DACH2: variants seen among roughly 807,000 people sequenced by gnomAD.
The protein encoded by DACH2 is dachshund family transcription factor 2, also known as dachshund homolog 2.
In DACH2, 17 loss-of-function variants were observed where a neutral mutation model predicts 35.8. The observed-to-expected ratio is 0.48, with a 90% CI of 0.33 to 0.71. DACH2 has a LOEUF of 0.71. Ranked by LOEUF, DACH2 falls within the 30% of genes least tolerant of loss-of-function variation. DACH2 has a pLI of 0.02. For synonymous variants in DACH2, 195 were observed against 177.3 expected (o/e 1.10, Z -0.79); for missense variants, 469 against 472.7 (o/e 0.99, Z 0.07).
chrX:86,563,305 TCA>T (rs753557557), intron 3 of DACH2, among the ~76,000 whole-genome samples: 4 of 109,720 alleles, frequency 3.6e-5, no homozygotes, highest in Non-Finnish European at 7.6e-5. Flanking sequence ...TGAAGACATA[TCA>T]CAGTTATTTT....
intron 2 of DACH2, among the ~76,000 whole-genome samples, chrX:86,445,561 G>A (rs1602527860): frequency 2.1e-4 from 4 of 19,126 alleles, no homozygotes; most frequent in South Asian, 6.6e-3. Context: ...TACCATCAGA[G>A]TGAACAAAAA....
intron 1 of DACH2, among the ~76,000 whole-genome samples, chrX:86,335,766 C>T (rs929977273): frequency 9.0e-6 from 1 of 111,636 alleles, no homozygotes; most frequent in Admixed American, 9.6e-5. Context: ...ATTGCCCTGG[C>T]CAGAACTTCC....
chrX:86,556,780 A>ATG, intron 3 of DACH2, among the ~76,000 whole-genome samples: 1 of 66,077 alleles, frequency 1.5e-5, no homozygotes, highest in Non-Finnish European at 2.7e-5. Flanking sequence ...ATATATATAT[A>ATG]TATATATATA....
chrX:86,205,517 C>T (rs1276591490), intron 1 of DACH2, among the ~76,000 whole-genome samples: 2 of 80,112 alleles, frequency 2.5e-5, no homozygotes, highest in African/African-American at 5.3e-5. Flanking sequence ...TCCTTCCTTC[C>T]TTCCTTCCTT....
At chrX:86,599,599 C>T (rs772215868) in intron 3 of DACH2, among the ~76,000 whole-genome samples, 3 of 108,541 alleles carry the variant, frequency 2.8e-5, no homozygotes, top group Non-Finnish European at 5.7e-5. Context: ...AAAGTTCAAG[C>T]GATTCTCCCA....
At chrX:86,667,549 A>G (rs201707411) in intron 4 of DACH2, among the ~76,000 whole-genome samples, 443 of 31,695 alleles carry the variant, frequency 0.014, no homozygotes, top group East Asian at 0.017. Context: ...AAGAAAGAAG[A>G]AAGAAAGAAA....
chrX:86,181,899 T>C (rs1210049599), intron 1 of DACH2, among the ~76,000 whole-genome samples: 1 of 112,313 alleles, frequency 8.9e-6, no homozygotes, highest in East Asian at 2.8e-4. Context: ...AGATGGTATC[T>C]CATTGTGGTT....
intron 2 of DACH2, among the ~76,000 whole-genome samples, chrX:86,461,814 A>G (rs2037579152): frequency 8.9e-6 from 1 of 111,920 alleles, no homozygotes; most frequent in Non-Finnish European, 1.9e-5. Context: ...ATATGCTATT[A>G]CAAATTCATA....
At chrX:86,508,460 T>C (rs1485260443) in intron 2 of DACH2, among the ~76,000 whole-genome samples, 2 of 109,893 alleles carry the variant, frequency 1.8e-5, no homozygotes, top group African/African-American at 6.6e-5. Context: ...CTTGGGAGGC[T>C]GAGACAGGAG....
At chrX:86,169,338 G>T (rs930463871) in intron 1 of DACH2, among the ~76,000 whole-genome samples, 1 of 110,489 alleles carries the variant, frequency 9.1e-6, no homozygotes, top group Admixed American at 9.7e-5. Context: ...TTTTCCTTTG[G>T]GAGTTTGATT....
At chrX:86,254,807 T>TATATATAGAGAGAGAGAGAGAGAGAGAG (rs1380613474) in intron 1 of DACH2, among the ~76,000 whole-genome samples, 2 of 49,660 alleles carry the variant, frequency 4.0e-5, no homozygotes, top group African/African-American at 2.3e-4. Context: ...TATATATATA[T>TATATATAGAGAGAGAGAGAGAGAGAGAG]AGAGAGAGAG....
intron 3 of DACH2, among the ~76,000 whole-genome samples, chrX:86,568,407 T>A (rs775242432): frequency 9.0e-5 from 10 of 111,044 alleles, no homozygotes; most frequent in Non-Finnish European, 1.5e-4. Flanking sequence ...GGTGTATGGA[T>A]CTATACTTTT....
chrX:86,376,964 C>A, intron 2 of DACH2, 102 bp downstream of exon 2: 1 of 345,031 alleles, frequency 2.9e-6, no homozygotes, highest in South Asian at 8.8e-5. Context: ...GTACTATACT[C>A]ACTAAGGTAG....
chrX:86,759,412 A>C (rs774949688), intron 7 of DACH2, among the ~76,000 whole-genome samples: 1 of 111,383 alleles, frequency 9.0e-6, no homozygotes, highest in East Asian at 2.8e-4. Flanking sequence ...TTTGACTTAA[A>C]GTCTGTTTTA....
chrX:86,566,368 G>C (rs974367747), intron 3 of DACH2, among the ~76,000 whole-genome samples: 1 of 111,459 alleles, frequency 9.0e-6, no homozygotes, highest in East Asian at 2.8e-4. Context: ...CATTTGAGCA[G>C]CCTCCTTCTG....
At chrX:86,764,532 A>G (rs891000461) in intron 7 of DACH2, among the ~76,000 whole-genome samples, 1 of 111,704 alleles carries the variant, frequency 9.0e-6, no homozygotes, top group African/African-American at 3.3e-5. Context: ...TCCCAGCTCT[A>G]TCCATGTTGT....
intron 7 of DACH2, among the ~76,000 whole-genome samples, chrX:86,769,498 A>G (rs1294041992): frequency 8.9e-6 from 1 of 112,297 alleles, no homozygotes; most frequent in Non-Finnish European, 1.9e-5. Context: ...TTTTAAACAA[A>G]AAGAAAGTTG....
chrX:86,174,119 G>GT (rs140747201), intron 1 of DACH2, among the ~76,000 whole-genome samples: 1,729 of 71,706 alleles, frequency 0.024, 61 homozygotes, highest in African/African-American at 0.074. Context: ...GAGTACAGTT[G>GT]TTTTTTTTTT....
chrX:86,682,055 C>T (rs1032672712), intron 4 of DACH2, among the ~76,000 whole-genome samples: 1 of 111,289 alleles, frequency 9.0e-6, no homozygotes, highest in East Asian at 2.8e-4. Flanking sequence ...AAAGGAGGGA[C>T]GTGAATAAGA....
Sources: gnomAD v4.1 joint callset for allele counts (sites outside exome capture counted in the v4.1 genomes callset) on GRCh38, gnomAD v4.1.1 for gene constraint, MANE v1.5 for transcripts, NCBI Gene and HGNC (gene_info 2026-07-23, HGNC 2026-07-21) for gene names.